Variants in CTNNA1 observed in about 807,000 individuals in gnomAD.
CTNNA1 encodes the protein catenin alpha 1, also known as catenin alpha-1.
CTNNA1 carries 37 observed loss-of-function variants against 98.4 expected under a neutral mutation model. That is an observed-to-expected ratio of 0.38 (90% CI 0.29 to 0.49). The LOEUF (loss-of-function observed/expected upper bound fraction) is 0.49. Among genes scored for constraint, CTNNA1 ranks in the 20% least tolerant of loss-of-function variants. The pLI is 0.95. For synonymous variants in CTNNA1, 404 were observed against 413.2 expected, an observed-to-expected ratio of 0.98 and a Z score of 0.27; for missense variants, 761 against 1,147.2, an observed-to-expected ratio of 0.66 and a Z score of 4.86.
chr5:138,874,086 G>A lies in CTNNA1; in HGVS notation c.1063-12126G>A. 2 of 1,613,884 alleles carry A rather than the reference G, an allele frequency of 1.2e-6. No homozygotes were observed. The highest frequency in any genetic ancestry group is 4.5e-5 in the East Asian group (2 of 44,888). ...TTGGAACGTAAATGCAAGGTCTGCA[G>A]CTTCCGAAGGCCATAGAAGAGCTCT... On this transcript the variant is annotated intron_variant, in intron 7 of 17. Coordinates refer to ENST00000302763, the MANE Select transcript of CTNNA1 (RefSeq NM_001903.5). The surrounding 1 kb of genome is among the most constrained non-coding windows in gnomAD (Gnocchi z 4.1).
intron 1 of CTNNA1, among the ~76,000 whole-genome samples, chr5:138,762,339 G>A (rs556106111): frequency 5.9e-5 from 9 of 152,254 alleles, no homozygotes; most frequent in Non-Finnish European, 8.8e-5. Context: ...GACTTGCCTT[G>A]TCTCATGCTG....
intron 7 of CTNNA1, among the ~76,000 whole-genome samples, chr5:138,849,553 T>C (rs375846506): frequency 4.6e-5 from 7 of 152,242 alleles, no homozygotes; most frequent in East Asian, 1.9e-4. Flanking sequence ...AAAAATCTTA[T>C]TAGGAAAATC....
chr5:138,926,875 C>T (rs1008318273), intron 13 of CTNNA1, among the ~76,000 whole-genome samples: 1 of 152,174 alleles, frequency 6.6e-6, no homozygotes, highest in African/African-American at 2.4e-5. Flanking sequence ...CTCCTAAGTT[C>T]CACACCTGTC....
chr5:138,824,474 A>G, intron 5 of CTNNA1, 56 bp from the exon 6 acceptor site: 1 of 1,549,306 alleles, frequency 6.5e-7, no homozygotes, highest in Non-Finnish European at 8.7e-7. Flanking sequence ...AAATTTTTAT[A>G]TGAGTAAAGC....
intron 3 of CTNNA1, among the ~76,000 whole-genome samples, chr5:138,797,653 G>A (rs898665374): frequency 2.0e-5 from 3 of 152,018 alleles, no homozygotes; most frequent in South Asian, 4.2e-4. Context: ...TATTTATTGA[G>A]GTTTTTGGAG....
intron 1 of CTNNA1, among the ~76,000 whole-genome samples, chr5:138,776,405 TAGTAC>T (rs1754175662): frequency 6.6e-6 from 1 of 152,208 alleles, no homozygotes; most frequent in African/African-American, 2.4e-5. Context: ...TAATTTTTCT[TAGTAC>T]AGAACAAAAT....
intron 7 of CTNNA1, among the ~76,000 whole-genome samples, chr5:138,877,163 A>T (rs1018033704): frequency 6.6e-6 from 1 of 152,174 alleles, no homozygotes; most frequent in African/African-American, 2.4e-5. Context: ...TTGCTGGTTA[A>T]AGAAGGGAAG....
At chr5:138,815,496 G>T (rs2149746693) in intron 5 of CTNNA1, among the ~76,000 whole-genome samples, 1 of 152,128 alleles carries the variant, frequency 6.6e-6, no homozygotes, top group South Asian at 2.1e-4. Flanking sequence ...CCTGCTGGGT[G>T]CCCTGGGTTG....
intron 3 of CTNNA1, among the ~76,000 whole-genome samples, chr5:138,786,518 T>C (rs982684481): frequency 2.6e-5 from 4 of 152,130 alleles, no homozygotes; most frequent in Admixed American, 6.5e-5. Context: ...CCCTTGAACA[T>C]GGGTTGAACT....
chr5:138,930,918 C>T lies in CTNNA1; in HGVS notation c.2281C>T (p.Arg761Cys), dbSNP rs1189259615. Residue 761 changes from arginine to cysteine, a missense_variant, in exon 16 of 18, where the codon CGC (arginine) becomes TGC (cysteine). Transcript: ENST00000302763. The stretch of plus-strand genomic sequence containing the variant: ...AGGATCCAGGATGGACAAGCTTGGC[C>T]GCACCATTGCAGACCATGTAAGTGA... ...EAGSRMDKLG[R>C]TIADHCPDSA... 24 of 1,612,940 alleles carry T rather than the reference C, an allele frequency of 1.5e-5. No homozygotes were observed. The highest frequency in any genetic ancestry group is 1.9e-5 in the Non-Finnish European group (22 of 1,178,894).
intron 3 of CTNNA1, among the ~76,000 whole-genome samples, chr5:138,791,880 C>G (rs1337479943): frequency 1.5e-5 from 2 of 130,424 alleles, no homozygotes; most frequent in African/African-American, 5.8e-5. Context: ...ACTTTAAGTT[C>G]TAGGGTACAT....
chr5:138,793,094 ATTAAT>A (rs1756554067), intron 3 of CTNNA1, among the ~76,000 whole-genome samples: 10 of 152,232 alleles, frequency 6.6e-5, no homozygotes, highest in Admixed American at 6.5e-4. Flanking sequence ...GAAGACTGTA[ATTAAT>A]TTAAAAATTG....
At chr5:138,812,372 G>A in intron 5 of CTNNA1, 70 bp downstream of exon 5, 1 of 1,535,696 alleles carries the variant, frequency 6.5e-7, no homozygotes, top group Non-Finnish European at 8.8e-7. Flanking sequence ...CTCATTCTGT[G>A]TGTTTTCTGA....
intron 7 of CTNNA1, chr5:138,875,404 T>C: frequency 1.0e-6 from 1 of 985,882 alleles, no homozygotes; most frequent in Non-Finnish European, 1.2e-6. Context: ...ACGTGTCTTT[T>C]GTTTGGGTTT....
chr5:138,762,145 A>G (rs567076670), intron 1 of CTNNA1: 2 of 152,350 alleles, frequency 1.3e-5, no homozygotes, highest in Admixed American at 1.3e-4. Context: ...TCTGTAAGGA[A>G]AAAGTTAAAA....
chr5:138,820,773 A>G (rs759457441), intron 5 of CTNNA1, among the ~76,000 whole-genome samples: 4 of 152,110 alleles, frequency 2.6e-5, no homozygotes, highest in Non-Finnish European at 5.9e-5. Context: ...AGGAGCTGCT[A>G]GTTGGCCATC....
intron 3 of CTNNA1, among the ~76,000 whole-genome samples, chr5:138,800,477 A>G (rs1399179855): frequency 1.3e-5 from 2 of 152,118 alleles, no homozygotes; most frequent in Non-Finnish European, 2.9e-5. Context: ...TGACCAAGAG[A>G]AGGGTTCCCA....
At chr5:138,761,182 A>G (rs1752321507) in intron 1 of CTNNA1, among the ~76,000 whole-genome samples, 1 of 152,176 alleles carries the variant, frequency 6.6e-6, no homozygotes, top group South Asian at 2.1e-4. Flanking sequence ...TGCTGTTGTG[A>G]AAATAAATTC....
At chr5:138,809,960 T>G in intron 3 of CTNNA1, 78 bp from the exon 4 acceptor site, 1 of 1,467,264 alleles carries the variant, frequency 6.8e-7, no homozygotes, top group African/African-American at 1.4e-5. Context: ...AAGTTTGGAT[T>G]ATTTTTATAT....
Sources: gnomAD v4.1 joint callset for allele counts (sites outside exome capture counted in the v4.1 genomes callset) on GRCh38, gnomAD v4.1.1 for gene constraint, Gnocchi (gnomAD v3.1) non-coding constraint, MANE v1.5 for transcripts, NCBI Gene and HGNC (gene_info 2026-07-23, HGNC 2026-07-21) for gene names.